CADM2: variants seen among roughly 807,000 people sequenced by gnomAD.
CADM2 encodes the protein immunoglobulin superfamily member 4D.
In CADM2, 12 loss-of-function variants were observed where a neutral mutation model predicts 49.8. That is an observed-to-expected ratio of 0.24 (90% CI 0.15 to 0.39). The LOEUF is 0.39. Among genes scored for constraint, CADM2 ranks in the 10% least tolerant of loss-of-function variants. CADM2 has a pLI of 1.00. For synonymous variants in CADM2, 214 were observed against 175.4 expected, an observed-to-expected ratio of 1.22 and a Z score of -1.74; for missense variants, 378 against 492.3, an observed-to-expected ratio of 0.77 and a Z score of 2.20.
intron 8 of CADM2, among the ~76,000 whole-genome samples, chr3:86,002,279 C>G (rs17023752): frequency 0.011 from 1,630 of 152,228 alleles, 34 homozygotes; most frequent in East Asian, 0.061. Flanking sequence ...TTTGAATCCA[C>G]GGGATCGATG....
chr3:85,806,594 T>G (rs1441771925), intron 3 of CADM2, among the ~76,000 whole-genome samples: 1 of 151,952 alleles, frequency 6.6e-6, no homozygotes, highest in African/African-American at 2.4e-5. Flanking sequence ...GTCAGTGACT[T>G]TAAATGTGAA....
At chr3:85,402,152 T>C (rs2035144541) in intron 1 of CADM2, among the ~76,000 whole-genome samples, 1 of 152,064 alleles carries the variant, frequency 6.6e-6, no homozygotes, top group African/African-American at 2.4e-5. Flanking sequence ...ATTAATGTTT[T>C]ACATAGATTT....
intron 1 of CADM2, among the ~76,000 whole-genome samples, chr3:84,994,957 G>A (rs1373418193): frequency 1.3e-5 from 2 of 152,052 alleles, no homozygotes; most frequent in Non-Finnish European, 2.9e-5. Flanking sequence ...AACCCGGAAG[G>A]CAGCGGAGGT....
chr3:85,029,731 C>G (rs979335059), intron 1 of CADM2, among the ~76,000 whole-genome samples: 1 of 152,150 alleles, frequency 6.6e-6, no homozygotes, highest in Non-Finnish European at 1.5e-5. Flanking sequence ...CAGATCCATT[C>G]TCAACCTGCT....
chr3:85,757,498 G>C (rs1177010992), intron 2 of CADM2, among the ~76,000 whole-genome samples: 1 of 151,794 alleles, frequency 6.6e-6, no homozygotes, highest in Non-Finnish European at 1.5e-5. Context: ...ATAAATGTTA[G>C]GTATATAGAT....
At chr3:85,135,085 A>G (rs1257919728) in intron 1 of CADM2, among the ~76,000 whole-genome samples, 1 of 151,998 alleles carries the variant, frequency 6.6e-6, no homozygotes, top group Non-Finnish European at 1.5e-5. Context: ...AGTAAATATA[A>G]ATGTGTATAT....
chr3:85,517,253 C>G (rs1251272857), intron 1 of CADM2, among the ~76,000 whole-genome samples: 1 of 151,804 alleles, frequency 6.6e-6, no homozygotes, highest in East Asian at 1.9e-4. Context: ...GAAAAGCTTA[C>G]TGTAAAAAAT....
chr3:85,625,713 A>T (rs192033691), intron 1 of CADM2, among the ~76,000 whole-genome samples: 3 of 152,010 alleles, frequency 2.0e-5, no homozygotes, highest in Non-Finnish European at 4.4e-5. Flanking sequence ...TTAACTTCAC[A>T]TGAGTAATAA....
At chr3:85,132,928 G>A (rs557824857) in intron 1 of CADM2, among the ~76,000 whole-genome samples, 2 of 152,240 alleles carry the variant, frequency 1.3e-5, no homozygotes, top group South Asian at 4.1e-4. Flanking sequence ...TTAAGGTGGC[G>A]TGTCTGGAGT....
At chr3:85,622,857 T>G (rs2064015527) in intron 1 of CADM2, among the ~76,000 whole-genome samples, 1 of 152,142 alleles carries the variant, frequency 6.6e-6, no homozygotes, top group African/African-American at 2.4e-5. Flanking sequence ...TCATGAAGTG[T>G]CTGCAAATTT....
intron 3 of CADM2, among the ~76,000 whole-genome samples, chr3:85,829,840 C>T (rs2074105525): frequency 1.3e-5 from 2 of 152,006 alleles, no homozygotes; most frequent in African/African-American, 2.4e-5. Context: ...TCCCAAATGG[C>T]AAAATTTCCC....
chr3:85,290,133 C>T lies in CADM2; in HGVS notation c.61+330465C>T, dbSNP rs149810528. ...GTGAGGCATTGCTTCACTTGGGAAGCGCAAGGGGTCAGGGAGTTCCCTTTC... is the reference window on the plus strand; with the variant it reads ...GTGAGGCATTGCTTCACTTGGGAAGTGCAAGGGGTCAGGGAGTTCCCTTTC... On this transcript the variant is annotated intron_variant, in intron 1 of 9. Coordinates refer to ENST00000383699, the MANE Select transcript of CADM2 (RefSeq NM_001167675.2). Among the ~76,000 whole-genome samples the T allele has an allele frequency of 6.4e-3, 975 of 152,176 alleles. 7 individuals are homozygous for T. The highest frequency in any genetic ancestry group is 7.6e-3 in the Non-Finnish European group (517 of 67,996).
At chr3:85,702,783 T>C (rs759344934) in intron 1 of CADM2, among the ~76,000 whole-genome samples, 28 of 152,218 alleles carry the variant, frequency 1.8e-4, no homozygotes, top group Admixed American at 4.6e-4. Flanking sequence ...TCAGTATCCA[T>C]ATTTGCTCAT....
At position 85,740,193 on chromosome 3, in the gene CADM2, G is replaced by A. The variant is rs562097804; in HGVS notation, c.88+13645G>A. 4.6e-5 allele frequency among the ~76,000 whole-genome samples: 7 copies of A among 152,294 alleles called. No homozygotes were observed. In the East Asian group the frequency reaches 1.2e-3, roughly 25 times the overall value. ...GTTTTCTAAGGAATTTGGTAAACAA[G>A]TCTGTGTCTTTTGATATCTGTACAC... On this transcript the variant is annotated intron_variant, in intron 2 of 9. Coordinates refer to ENST00000383699, the MANE Select transcript of CADM2 (RefSeq NM_001167675.2).
intron 1 of CADM2, among the ~76,000 whole-genome samples, chr3:85,340,134 T>C (rs2045200120): frequency 6.6e-6 from 1 of 151,482 alleles, no homozygotes; most frequent in Non-Finnish European, 1.5e-5. Flanking sequence ...AATCATAGGT[T>C]AAAAATAATC....
chr3:85,137,676 AGGAAGCCGTGTTTAAAT>A (rs1384489086), intron 1 of CADM2, among the ~76,000 whole-genome samples: 1 of 152,074 alleles, frequency 6.6e-6, no homozygotes, highest in African/African-American at 2.4e-5. Context: ...TTCTAAGTTT[AGGAAGCCGTGTTTAAAT>A]GCACGACAGT....
chr3:85,987,797 T>C (rs889429187), intron 8 of CADM2, among the ~76,000 whole-genome samples: 2 of 151,212 alleles, frequency 1.3e-5, no homozygotes, highest in African/African-American at 4.8e-5. Flanking sequence ...TAATCTGTTC[T>C]ATATTTAAGA....
chr3:84,999,317 C>G (rs568645412), intron 1 of CADM2, among the ~76,000 whole-genome samples: 4 of 152,168 alleles, frequency 2.6e-5, no homozygotes, highest in Admixed American at 2.6e-4. Context: ...AATATATAAC[C>G]TTTTTGTATG....
chr3:85,355,381 C>G (rs759174798), intron 1 of CADM2, among the ~76,000 whole-genome samples: 4 of 152,032 alleles, frequency 2.6e-5, no homozygotes, highest in Admixed American at 6.6e-5. Flanking sequence ...GCCAGGAACT[C>G]AATTTTTAAG....
Sources: allele counts gnomAD v4.1 joint callset (sites outside exome capture counted in the v4.1 genomes callset), GRCh38; gene constraint gnomAD v4.1.1; transcripts MANE v1.5; gene names NCBI Gene and HGNC (gene_info 2026-07-23, HGNC 2026-07-21).